The following C2CD3 variants were observed in gnomAD, a reference collection of about 807,000 sequenced individuals.
C2CD3 encodes the protein C2 domain containing 3 centriole elongation regulator.
Under a neutral mutation model 234.0 loss-of-function variants are expected in C2CD3, and 148 were observed. The ratio of observed to expected loss-of-function variants is 0.63; its 90% CI spans 0.55 to 0.72. The LOEUF (loss-of-function observed/expected upper bound fraction) is 0.72. C2CD3 is among the 30% of genes least tolerant of loss of function. The pLI is 0.00. For synonymous variants in C2CD3, 1,000 were observed against 1,035.4 expected, an observed-to-expected ratio of 0.97 and a Z score of 0.66; for missense variants, 2,577 against 2,811.5, an observed-to-expected ratio of 0.92 and a Z score of 1.89.
At chr11:74,159,350 G>A (rs1215610941) in intron 3 of C2CD3, among the ~76,000 whole-genome samples, 2 of 152,162 alleles carry the variant, frequency 1.3e-5, no homozygotes, top group Non-Finnish European at 2.9e-5. Flanking sequence ...GCCTCAGGCA[G>A]GTCCTCAGGA....
chr11:74,043,104 C>T (rs1415357532), intron 28 of C2CD3, among the ~76,000 whole-genome samples: 1 of 152,194 alleles, frequency 6.6e-6, no homozygotes, highest in Non-Finnish European at 1.5e-5. Context: ...AGTTTTAGAA[C>T]ATTTTTACCA....
Position 74,168,350 on chromosome 11 carries a change from G to T in C2CD3, c.319C>A (p.Leu107Ile). ...RCGPKQFTSY[L>I]TDMAVLVLEV... ...TGATAAAACAATAACATACCTGTTA[G>T]ATAAGAGGTAAACTGTTTTGGACCA... The change falls in exon 2 of 33, where the codon CTA (leucine) becomes ATA (isoleucine). Residue 107 changes from leucine to isoleucine, a missense_variant. Physicochemically the swap from Leu to Ile is conservative, Grantham distance 5. Coordinates refer to ENST00000334126, the MANE Select transcript of C2CD3 (RefSeq NM_001286577.2). 6.2e-7 allele frequency: 1 copy of T among 1,611,518 alleles called. No homozygotes were observed. The highest frequency in any genetic ancestry group is 8.5e-7 in the Non-Finnish European group (1 of 1,177,564).
At chr11:74,084,311 G>A (rs1367936544) in intron 22 of C2CD3, among the ~76,000 whole-genome samples, 3 of 152,124 alleles carry the variant, frequency 2.0e-5, no homozygotes, top group Admixed American at 2.0e-4. Flanking sequence ...AGGGCAGGGG[G>A]AGGGATAGCA....
chr11:74,141,894 C>T (rs1198146986), intron 3 of C2CD3, among the ~76,000 whole-genome samples: 2 of 151,732 alleles, frequency 1.3e-5, no homozygotes, highest in African/African-American at 4.8e-5. Context: ...CCTAGCTACT[C>T]GCTAGGCTGA....
chr11:74,040,914 A>G (rs560415892), intron 29 of C2CD3, among the ~76,000 whole-genome samples: 1 of 151,266 alleles, frequency 6.6e-6, no homozygotes, highest in East Asian at 1.9e-4. Flanking sequence ...ACACGCACAC[A>G]CACACACACA....
At chr11:74,058,330 G>A (rs1340525540) in intron 24 of C2CD3, among the ~76,000 whole-genome samples, 2 of 152,058 alleles carry the variant, frequency 1.3e-5, no homozygotes, top group Non-Finnish European at 2.9e-5. Flanking sequence ...CACTTACTGT[G>A]ATATGTAAGG....
intron 30 of C2CD3, among the ~76,000 whole-genome samples, chr11:74,034,996 C>G (rs1952671334): frequency 6.6e-6 from 1 of 152,168 alleles, no homozygotes; most frequent in Non-Finnish European, 1.5e-5. Flanking sequence ...CTAGTCATCT[C>G]AAATTATTTT....
rs534855996 is a variant in C2CD3 at position 74,128,744 on chromosome 11, ACT to A, written c.1217+4098_1217+4099del. The A allele has an allele frequency of 4.2e-3, 646 of 153,584 alleles. 3 individuals are homozygous for A. Among genetic ancestry groups the A allele is most frequent in the Middle Eastern group, 0.036 (11 of 304 alleles). The allele number at this position is 153,584 out of a possible 1,614,324, so 9.5% of individuals were successfully genotyped here. ...TACTTGAGATTAGGGAGTGGTGATG[ACT>A]CTTAACGAGCATGCTGCCTTCAAGC... is the stretch of plus-strand genomic sequence containing the variant. On this transcript the variant is annotated intron_variant, in intron 7 of 32. Coordinates refer to ENST00000334126, the MANE Select transcript of C2CD3 (RefSeq NM_001286577.2).
At chr11:74,153,911 A>C (rs1319660132) in intron 3 of C2CD3, among the ~76,000 whole-genome samples, 1 of 152,122 alleles carries the variant, frequency 6.6e-6, no homozygotes, top group East Asian at 1.9e-4. Context: ...CTAGAAATAG[A>C]CTCACATATA....
Position 74,103,452 on chromosome 11 carries a change from A to T in C2CD3, c.2259T>A (p.His753Gln). The T allele has an allele frequency of 1.2e-6, 2 of 1,614,148 alleles. No individual in the cohort carries two copies. Among genetic ancestry groups the T allele is most frequent in the Non-Finnish European group, 1.7e-6 (2 of 1,180,034 alleles). The part of the protein sequence containing the change: ...TKNPQNLNQI[H>Q]EETAKKAQNL... ...TCTGTGCTTTCTTTGCAGTTTCCTC[A>T]TGAATTTGGTTTAAGTTTTGTGGAT... Residue 753 changes from histidine (H) to glutamine (Q), a missense_variant, in exon 14 of 33, where the codon CAT (histidine) becomes CAA (glutamine). His to Gln is a conservative substitution (Grantham distance 24). Transcript: ENST00000334126.
intron 1 of C2CD3, among the ~76,000 whole-genome samples, chr11:74,170,515 C>A (rs545377623): frequency 1.2e-4 from 19 of 152,312 alleles, no homozygotes; most frequent in African/African-American, 4.6e-4. Context: ...CTACCGGTAA[C>A]CTTCATCTCA....
At chr11:74,066,675 G>C (rs963359623) in intron 24 of C2CD3, among the ~76,000 whole-genome samples, 2 of 149,992 alleles carry the variant, frequency 1.3e-5, no homozygotes, top group Non-Finnish European at 3.0e-5. Flanking sequence ...TGAACAGAAA[G>C]AAAACTGTTT....
At chr11:74,113,274 G>A (rs1956804582) in intron 11 of C2CD3, 1 of 155,724 alleles carries the variant, frequency 6.4e-6, no homozygotes, top group African/African-American at 2.4e-5. Flanking sequence ...ATTAGCAGTT[G>A]CTTAGGGCTG....
chr11:74,030,451 T>C (rs1952477106), intron 31 of C2CD3, among the ~76,000 whole-genome samples: 3 of 152,198 alleles, frequency 2.0e-5, no homozygotes, highest in African/African-American at 7.2e-5. Context: ...AAACCAGTGA[T>C]ACATGTCAGC....
intron 7 of C2CD3, chr11:74,129,715 A>G (rs1957572478): frequency 5.7e-6 from 1 of 175,088 alleles, no homozygotes; most frequent in Admixed American, 6.3e-5. Flanking sequence ...TTGGGAGGCC[A>G]AGGCAGGCGG....
At chr11:74,092,063 T>A (rs937211398) in intron 19 of C2CD3, among the ~76,000 whole-genome samples, 6 of 150,760 alleles carry the variant, frequency 4.0e-5, no homozygotes, top group East Asian at 1.9e-4. Context: ...TATATATATT[T>A]TTTTTTTGAG....
At chr11:74,047,713 T>A (rs572834965) in intron 28 of C2CD3, among the ~76,000 whole-genome samples, 1 of 152,292 alleles carries the variant, frequency 6.6e-6, no homozygotes, top group East Asian at 1.9e-4. Flanking sequence ...GTGCTTCAGA[T>A]GGTTCTAGGG....
chr11:74,131,588 C>CT (rs201739327), intron 7 of C2CD3, among the ~76,000 whole-genome samples: 26,335 of 145,878 alleles, frequency 0.18, 2,455 homozygotes, highest in East Asian at 0.3. Context: ...GTTTTTCTTT[C>CT]TTTTTTTTTT....
chr11:74,053,998 C>A (rs577680781), intron 26 of C2CD3, among the ~76,000 whole-genome samples: 2 of 151,862 alleles, frequency 1.3e-5, no homozygotes, highest in South Asian at 4.2e-4. Flanking sequence ...AGCAGCCAGG[C>A]GCGGTGGCTC....
Sources: gnomAD v4.1 joint callset for allele counts (sites outside exome capture counted in the v4.1 genomes callset) on GRCh38, gnomAD v4.1.1 for gene constraint, MANE v1.5 for transcripts, NCBI Gene and HGNC (gene_info 2026-07-23, HGNC 2026-07-21) for gene names.